Variants in TRPM3 observed in about 807,000 individuals in gnomAD.
TRPM3 encodes long transient receptor potential channel 3.
TRPM3 carries 77 observed loss-of-function variants against 181.2 expected under a neutral mutation model. The ratio of observed to expected loss-of-function variants is 0.42; its 90% CI spans 0.35 to 0.51. The LOEUF is 0.51. Among genes scored for constraint, TRPM3 ranks in the 20% least tolerant of loss-of-function variants. TRPM3 has a pLI of 0.01. For missense variants in TRPM3, 1,759 were observed against 2,196.7 expected, an observed-to-expected ratio of 0.80 and a Z score of 3.98; for synonymous variants, 745 against 796.4, an observed-to-expected ratio of 0.94 and a Z score of 1.09.
chr9:70,536,419 G>T lies in TRPM3; in HGVS notation c.4694C>A (p.Thr1565Lys), dbSNP rs894022788. 3.7e-6 allele frequency: 6 copies of T among 1,614,038 alleles called. No individual in the cohort carries two copies. Among genetic ancestry groups the T allele is most frequent in the South Asian group, 1.1e-5 (1 of 91,088 alleles). ...TGCTTGAGGGGCATTGACACACCTT[G>T]TGTCAATACAGTCTGTAATACTTGT... is the stretch of plus-strand genomic sequence containing the variant. ...EYTSITDCIDTRCVNAPQAIA... is the reference protein window; with the variant it reads ...EYTSITDCIDKRCVNAPQAIA... The change falls in exon 26 of 26, where the codon ACA becomes AAA. Residue 1565 changes from threonine (T) to lysine (K), a missense_variant. This residue lies in a region of TRPM3 where 612 missense variants were observed against 590.0 expected (regional missense o/e 1.04). Coordinates refer to ENST00000677713, the MANE Select transcript of TRPM3 (RefSeq NM_001366145.2).
Position 70,533,251 on chromosome 9 carries a change from A to G in TRPM3, c.*2702T>C, listed in dbSNP as rs1170374814. On this transcript the variant is annotated 3_prime_UTR_variant, in exon 26 of 26. Coordinates refer to ENST00000677713, the MANE Select transcript of TRPM3 (RefSeq NM_001366145.2). ...GCCTTGGAGGTGTTTGATGTCAATGAATAATGTTTTCACCTCCTTCTTGGA... is the reference window on the plus strand; with the variant it reads ...GCCTTGGAGGTGTTTGATGTCAATGGATAATGTTTTCACCTCCTTCTTGGA... The G allele has an allele frequency of 6.6e-6, 1 of 152,200 alleles. No homozygotes were observed. Among genetic ancestry groups the G allele is most frequent in the Non-Finnish European group, 1.5e-5 (1 of 68,042 alleles). 9.4% of individuals were successfully genotyped at this position (152,200 alleles called of 1,614,324 possible). A position where few individuals can be genotyped will look rare whatever the true frequency, so the allele number is the denominator to read the frequency against.
At chr9:71,024,112 T>C (rs1428694601) in intron 1 of TRPM3, among the ~76,000 whole-genome samples, 2 of 152,184 alleles carry the variant, frequency 1.3e-5, no homozygotes, top group Non-Finnish European at 2.9e-5. Context: ...AGGGAAAGGA[T>C]ACACGAGATC....
At chr9:71,234,215 T>C (rs1483888841) in intron 1 of TRPM3, among the ~76,000 whole-genome samples, 4 of 152,210 alleles carry the variant, frequency 2.6e-5, no homozygotes, top group African/African-American at 7.2e-5. Flanking sequence ...CCTTACAACA[T>C]GGCAGTTGGT....
At chr9:71,158,351 A>G (rs1454803064) in intron 1 of TRPM3, among the ~76,000 whole-genome samples, 2 of 152,136 alleles carry the variant, frequency 1.3e-5, no homozygotes, top group East Asian at 1.9e-4. Context: ...TGAGTACAAC[A>G]CTTCTAAACC....
chr9:70,595,344 C>T (rs2058816969), intron 21 of TRPM3, among the ~76,000 whole-genome samples: 1 of 152,214 alleles, frequency 6.6e-6, no homozygotes, highest in African/African-American at 2.4e-5. Context: ...TAATTCTCAA[C>T]AGAGGCCAAT....
chr9:70,816,136 T>A (rs776432715), intron 6 of TRPM3, among the ~76,000 whole-genome samples: 3 of 152,228 alleles, frequency 2.0e-5, no homozygotes, highest in Non-Finnish European at 2.9e-5. Context: ...TAGAGTTGGA[T>A]TCTCTGTATC....
chr9:71,385,859 C>G (rs1385630656), intron 1 of TRPM3, among the ~76,000 whole-genome samples: 1 of 152,048 alleles, frequency 6.6e-6, no homozygotes, highest in East Asian at 2.0e-4. Context: ...TGTGCACCAA[C>G]ACACCTGGCT....
intron 25 of TRPM3, among the ~76,000 whole-genome samples, chr9:70,543,106 A>T (rs2043911778): frequency 6.6e-6 from 1 of 152,228 alleles, no homozygotes; most frequent in Non-Finnish European, 1.5e-5. Flanking sequence ...GATTTAAAAA[A>T]ATATTACTTA....
intron 1 of TRPM3, among the ~76,000 whole-genome samples, chr9:71,315,740 T>C (rs1290720183): frequency 3.3e-5 from 5 of 152,228 alleles, no homozygotes; most frequent in African/African-American, 1.2e-4. Context: ...AAAAGATTTT[T>C]AATAGTAGAA....
At chr9:71,262,351 C>T (rs546072126) in intron 1 of TRPM3, among the ~76,000 whole-genome samples, 9 of 152,216 alleles carry the variant, frequency 5.9e-5, no homozygotes, top group South Asian at 2.1e-4. Flanking sequence ...TCAGTAATGG[C>T]GGACGTCCCT....
chr9:70,573,571 T>C (rs1266537461), intron 22 of TRPM3, among the ~76,000 whole-genome samples: 1 of 151,660 alleles, frequency 6.6e-6, no homozygotes, highest in Non-Finnish European at 1.5e-5. Flanking sequence ...ATGATGCCCC[T>C]AATCAGGGAG....
At chr9:71,371,004 T>C (rs922450609) in intron 1 of TRPM3, among the ~76,000 whole-genome samples, 1 of 151,904 alleles carries the variant, frequency 6.6e-6, no homozygotes, top group Non-Finnish European at 1.5e-5. Flanking sequence ...TGGGTGGCAG[T>C]ACATCTGTTT....
intron 1 of TRPM3, among the ~76,000 whole-genome samples, chr9:70,958,797 C>G (rs202041962): frequency 6.6e-6 from 1 of 151,352 alleles, no homozygotes; most frequent in African/African-American, 2.4e-5. Flanking sequence ...GAAAATGTGG[C>G]ACATATACAC....
chr9:71,207,175 TC>T (rs2079174233), intron 1 of TRPM3, among the ~76,000 whole-genome samples: 2 of 152,148 alleles, frequency 1.3e-5, no homozygotes, highest in African/African-American at 4.8e-5. Flanking sequence ...CTATAAAAAT[TC>T]ATTTTTCTTA....
intron 1 of TRPM3, among the ~76,000 whole-genome samples, chr9:71,107,719 T>C (rs1272134183): frequency 6.6e-6 from 1 of 152,192 alleles, no homozygotes; most frequent in Admixed American, 6.6e-5. Context: ...TGTTTTACAT[T>C]TGTATGAACT....
chr9:71,335,938 G>C (rs1456152811), intron 1 of TRPM3, among the ~76,000 whole-genome samples: 4 of 152,066 alleles, frequency 2.6e-5, no homozygotes, highest in African/African-American at 9.7e-5. Context: ...TCATCATGGA[G>C]TCCGTGAGAT....
At chr9:71,401,460 C>T (rs1026316175) in intron 1 of TRPM3, among the ~76,000 whole-genome samples, 1 of 152,046 alleles carries the variant, frequency 6.6e-6, no homozygotes, top group Non-Finnish European at 1.5e-5. Flanking sequence ...AGTAAATAAA[C>T]CCATCTGTCA....
intron 24 of TRPM3, 119 bp downstream of exon 24, chr9:70,552,725 C>T: frequency 9.9e-7 from 1 of 1,006,880 alleles, no homozygotes; most frequent in South Asian, 1.4e-5. Context: ...GCCTTCAGAG[C>T]TGTCTGCAGC....
chr9:70,859,976 C>T (rs2095483488), intron 3 of TRPM3, among the ~76,000 whole-genome samples: 1 of 152,180 alleles, frequency 6.6e-6, no homozygotes, highest in South Asian at 2.1e-4. Flanking sequence ...TCACCAATGC[C>T]ATTCACTGGA....
Sources: allele counts gnomAD v4.1 joint callset (sites outside exome capture counted in the v4.1 genomes callset), GRCh38; gene constraint gnomAD v4.1.1; regional missense constraint gnomAD v4.1.1; transcripts MANE v1.5; gene names NCBI Gene and HGNC (gene_info 2026-07-23, HGNC 2026-07-21).